Variants in ITGA8 observed in about 807,000 individuals in gnomAD.
ITGA8 encodes integrin subunit alpha 8, also known as integrin alpha-8.
In ITGA8, 91 loss-of-function variants were observed where a neutral mutation model predicts 142.3. The ratio of observed to expected loss-of-function variants is 0.64; its 90% CI spans 0.54 to 0.76. ITGA8 has a LOEUF of 0.76. ITGA8 is among the 30% of genes least tolerant of loss of function. ITGA8 has a pLI of 0.00. For missense variants in ITGA8, 1,406 were observed against 1,327.7 expected, an observed-to-expected ratio of 1.06 and a Z score of -0.92; for synonymous variants, 505 against 485.2, an observed-to-expected ratio of 1.04 and a Z score of -0.54.
At chr10:15,675,349 G>A (rs1834607375) in intron 6 of ITGA8, among the ~76,000 whole-genome samples, 1 of 152,064 alleles carries the variant, frequency 6.6e-6, no homozygotes, top group South Asian at 2.1e-4. Context: ...CCCACCTACA[G>A]CCATTCAGTA....
intron 13 of ITGA8, among the ~76,000 whole-genome samples, chr10:15,618,503 T>C (rs7092876): frequency 0.22 from 33,870 of 152,108 alleles, 4,009 homozygotes; most frequent in Admixed American, 0.32. Flanking sequence ...GAGTGTCAAC[T>C]TGATCAGACT....
intron 20 of ITGA8, 39 bp from the exon 21 acceptor site, chr10:15,597,338 A>C: frequency 1.3e-6 from 2 of 1,520,888 alleles, no homozygotes; most frequent in East Asian, 4.5e-5. Context: ...GGGGCAGGAT[A>C]AATGACATCC....
In ITGA8 at chr10:15,594,086, C is replaced by T. The variant is rs556921653; in HGVS notation, c.2212-1782G>A. Among the ~76,000 whole-genome samples the T allele has an allele frequency of 1.6e-4, 24 of 152,054 alleles. No individual in the cohort carries two copies. In the South Asian group the frequency reaches 2.9e-3, roughly 18 times the overall value. ...CATACTCCTGACCTCATGATCCGCC[C>T]GCCTTGACCTCCCCAAGTGCTGGGG... On this transcript the variant is annotated intron_variant, in intron 21 of 29. Coordinates refer to ENST00000378076, the MANE Select transcript of ITGA8 (RefSeq NM_003638.3).
intron 27 of ITGA8, among the ~76,000 whole-genome samples, chr10:15,535,874 C>G (rs997204534): frequency 1.3e-5 from 2 of 152,114 alleles, no homozygotes; most frequent in Admixed American, 6.5e-5. Context: ...TCCACGCTGC[C>G]TTTATGAGCT....
At chr10:15,534,760 G>A (rs1833384600) in intron 27 of ITGA8, among the ~76,000 whole-genome samples, 2 of 152,208 alleles carry the variant, frequency 1.3e-5, no homozygotes, top group African/African-American at 4.8e-5. Context: ...GTGCCTGGAC[G>A]TAGCCTGGGG....
intron 2 of ITGA8, among the ~76,000 whole-genome samples, chr10:15,713,569 C>T (rs1459876325): frequency 6.6e-6 from 1 of 152,116 alleles, no homozygotes; most frequent in Non-Finnish European, 1.5e-5. Flanking sequence ...TGAACAAAAA[C>T]TGATTTCTTT....
At chr10:15,574,300 G>A (rs1834241274) in intron 24 of ITGA8, among the ~76,000 whole-genome samples, 1 of 152,194 alleles carries the variant, frequency 6.6e-6, no homozygotes, top group African/African-American at 2.4e-5. Context: ...AAAAATCTCA[G>A]AATAAGATAT....
intron 29 of ITGA8, among the ~76,000 whole-genome samples, chr10:15,517,628 A>T (rs1223120705): frequency 1.3e-5 from 2 of 152,172 alleles, no homozygotes; most frequent in Non-Finnish European, 2.9e-5. Flanking sequence ...CTGGCCCTTT[A>T]TGTATTTTCG....
chr10:15,549,474 G>T (rs1184967038), intron 26 of ITGA8, among the ~76,000 whole-genome samples: 3 of 152,022 alleles, frequency 2.0e-5, no homozygotes, highest in Non-Finnish European at 2.9e-5. Context: ...GCCTCCCAAG[G>T]TGTTGGGATT....
At chr10:15,658,412 G>A (rs1005290121) in intron 10 of ITGA8, among the ~76,000 whole-genome samples, 1 of 150,780 alleles carries the variant, frequency 6.6e-6, no homozygotes, top group Non-Finnish European at 1.5e-5. Flanking sequence ...CCCAAACACC[G>A]CCCACCTCCC....
In ITGA8 at chr10:15,684,136, C is replaced by CA; in HGVS notation, c.445-10dup. On this transcript the variant is annotated splice_polypyrimidine_tract_variant and intron_variant, in intron 3 of 29. Coordinates refer to ENST00000378076, the MANE Select transcript of ITGA8 (RefSeq NM_003638.3). ...TATAAAGGAGCACAGGCCTAGGAAA[C>CA]ATCAAAGACAAAAAAATACATTTTT... is the stretch of plus-strand genomic sequence containing the variant. 6.3e-7 allele frequency: 1 copy of CA among 1,598,270 alleles called. No individual in the cohort carries two copies. The highest frequency in any genetic ancestry group is 1.4e-5 in the African/African-American group (1 of 73,828).
chr10:15,519,493 G>T (rs879203047), intron 28 of ITGA8, 81 bp from the exon 29 acceptor site: 4 of 1,452,874 alleles, frequency 2.8e-6, no homozygotes, highest in Non-Finnish European at 2.9e-6. Flanking sequence ...GTACAACATC[G>T]GAAGTTGATC....
intron 26 of ITGA8, among the ~76,000 whole-genome samples, chr10:15,556,460 C>T (rs545584257): frequency 3.3e-5 from 5 of 152,288 alleles, no homozygotes; most frequent in East Asian, 1.9e-4. Flanking sequence ...GCAGGAAGTA[C>T]GTGCTTGGTC....
At chr10:15,672,281 A>G (rs1266061928) in intron 7 of ITGA8, among the ~76,000 whole-genome samples, 1 of 152,204 alleles carries the variant, frequency 6.6e-6, no homozygotes, top group Non-Finnish European at 1.5e-5. Flanking sequence ...CAGCAACTCA[A>G]ACTTCTCTTG....
rs11594409 is a variant in ITGA8, at chr10:15,597,764, C to G, written c.2119-465G>C. On this transcript the variant is annotated intron_variant, in intron 20 of 29. Coordinates refer to ENST00000378076, the MANE Select transcript of ITGA8 (RefSeq NM_003638.3). ...AACACAAATTTCTATACACCATGGT[C>G]CCGTTTTGAGATCATGCAATCGACT... Among the ~76,000 whole-genome samples, 767 of 152,252 alleles carry G rather than the reference C, an allele frequency of 5.0e-3. 1 individual carries two copies. Among genetic ancestry groups the G allele is most frequent in the Non-Finnish European group, 8.1e-3 (552 of 68,010 alleles).
chr10:15,678,246 C>G (rs898275475), intron 5 of ITGA8, among the ~76,000 whole-genome samples: 2 of 152,156 alleles, frequency 1.3e-5, no homozygotes, highest in Non-Finnish European at 2.9e-5. Flanking sequence ...TGAAATTTTT[C>G]TATACTATTT....
In ITGA8 at chr10:15,514,402, T is replaced by G. The variant is rs1832926679; in HGVS notation, c.*2756A>C. On this transcript the variant is annotated 3_prime_UTR_variant, in exon 30 of 30. Transcript: ENST00000378076. Reference sequence around the variant, plus strand: ...CATATTCTTTTTTTATTTTTTATTTTATTTATTTTTTTGTTGAGACAGAGT... The same window carrying G: ...CATATTCTTTTTTTATTTTTTATTTGATTTATTTTTTTGTTGAGACAGAGT... The G allele has an allele frequency of 6.6e-6, 1 of 152,134 alleles. No homozygotes were observed. The highest frequency in any genetic ancestry group is 2.1e-4 in the South Asian group (1 of 4,814). 9.4% of individuals were successfully genotyped at this position (152,134 alleles called of 1,614,324 possible).
In ITGA8 at chr10:15,537,151, C is replaced by A. The variant is rs1016367165; in HGVS notation, c.2881-6000G>T. 3.3e-5 allele frequency among the ~76,000 whole-genome samples: 5 copies of A among 152,094 alleles called. No homozygotes were observed. The South Asian group carries it at 1.0e-3, about 32-fold the overall frequency. On this transcript the variant is annotated intron_variant, in intron 27 of 29. Coordinates refer to ENST00000378076, the MANE Select transcript of ITGA8 (RefSeq NM_003638.3). ...GCATGTTCGTTACATGGACAGAAACCAACATAACGCAACAAGTCATATCCA... is the reference window on the plus strand; with the variant it reads ...GCATGTTCGTTACATGGACAGAAACAAACATAACGCAACAAGTCATATCCA...
chr10:15,686,528 CT>C (rs1359870441), intron 3 of ITGA8, among the ~76,000 whole-genome samples: 3 of 152,192 alleles, frequency 2.0e-5, no homozygotes, highest in Non-Finnish European at 4.4e-5. Flanking sequence ...CTCTTTCAAT[CT>C]GCTCAGTTTC....
Sources: allele counts gnomAD v4.1 joint callset (sites outside exome capture counted in the v4.1 genomes callset), GRCh38; gene constraint gnomAD v4.1.1; transcripts MANE v1.5; gene names NCBI Gene and HGNC (gene_info 2026-07-23, HGNC 2026-07-21).